The following SAXO1 variants were observed in gnomAD, a reference collection of about 807,000 sequenced individuals.
The protein encoded by SAXO1 is stabilizer of axonemal microtubules 1.
SAXO1 carries 21 observed loss-of-function variants against 17.5 expected under a neutral mutation model. That is an observed-to-expected ratio of 1.20 (90% CI 0.85 to 1.72). SAXO1 has a LOEUF of 1.72. Ranked by LOEUF, SAXO1 falls within the 40% of genes most tolerant of loss-of-function variation. The probability of loss-of-function intolerance (pLI) is 0.00; values close to 1 mark genes in which losing one functional copy is unlikely to be tolerated. For synonymous variants in SAXO1, 274 were observed against 216.5 expected (o/e 1.27, Z -2.33); for missense variants, 843 against 596.0 (o/e 1.41, Z -4.32).
chr9:18,947,047 AC>A (rs1324587300), intron 2 of SAXO1, among the ~76,000 whole-genome samples: 1 of 152,230 alleles, frequency 6.6e-6, no homozygotes, highest in Non-Finnish European at 1.5e-5. Context: ...CAAAATGTCT[AC>A]AAATTTACTC....
intron 1 of SAXO1, among the ~76,000 whole-genome samples, chr9:18,973,640 CCA>C (rs1047119707): frequency 7.9e-5 from 12 of 152,316 alleles, no homozygotes; most frequent in African/African-American, 2.9e-4. Context: ...TGATTCCAGA[CCA>C]GAGTTTCTTT....
chr9:18,951,439 T>C (rs1250866398), intron 1 of SAXO1, among the ~76,000 whole-genome samples: 1 of 152,182 alleles, frequency 6.6e-6, no homozygotes, highest in East Asian at 1.9e-4. Context: ...AATGACATCA[T>C]TCAAAGCAAA....
chr9:19,030,569 G>A (rs1835716564), intron 1 of SAXO1, among the ~76,000 whole-genome samples: 1 of 152,120 alleles, frequency 6.6e-6, no homozygotes, highest in African/African-American at 2.4e-5. Flanking sequence ...AGCCCAGCAT[G>A]GTGGTGGGTA....
chr9:18,963,628 T>C (rs1408515988), intron 1 of SAXO1, among the ~76,000 whole-genome samples: 1 of 152,208 alleles, frequency 6.6e-6, no homozygotes, highest in Non-Finnish European at 1.5e-5. Flanking sequence ...CTTGTGGGTT[T>C]TGCACATTGA....
chr9:19,010,158 CAACAACAAA>C (rs1008593853), intron 1 of SAXO1, among the ~76,000 whole-genome samples: 12 of 39,230 alleles, frequency 3.1e-4, no homozygotes, highest in South Asian at 7.1e-4. Context: ...AAAACAACAA[CAACAACAAA>C]AACACCTTAT....
At position 18,951,038 on chromosome 9, in the gene SAXO1, G is replaced by A. The variant is rs74341844; in HGVS notation, c.39-101C>T. The A allele has an allele frequency of 3.6e-3, 4,282 of 1,191,060 alleles. 120 individuals are homozygous for A. In the African/African-American group the frequency reaches 0.058, roughly 16 times the overall value. The allele number at this position is 1,191,060 out of a possible 1,614,324, so 73.8% of individuals were successfully genotyped here. On this transcript the variant is annotated intron_variant, in intron 1 of 3. Transcript: ENST00000380534. ...AATGTGACTCAGACTGTAAAATCAT[G>A]TGACTGCCAACATTGAAAACCAGAA...
At chr9:18,937,888 AC>A (rs1563929078) in intron 3 of SAXO1, among the ~76,000 whole-genome samples, 1 of 152,208 alleles carries the variant, frequency 6.6e-6, no homozygotes, top group Admixed American at 6.5e-5. Context: ...GCACAAATGA[AC>A]TAAGAAAGTA....
intron 1 of SAXO1, among the ~76,000 whole-genome samples, chr9:19,041,459 T>C (rs1274052361): frequency 6.6e-6 from 1 of 152,140 alleles, no homozygotes; most frequent in Non-Finnish European, 1.5e-5. Context: ...AAAATGTATA[T>C]GGAACCACAA....
chr9:18,966,348 C>T (rs1832715810), intron 1 of SAXO1, among the ~76,000 whole-genome samples: 3 of 152,146 alleles, frequency 2.0e-5, no homozygotes, highest in Non-Finnish European at 4.4e-5. Flanking sequence ...CAACTTGGTT[C>T]CATTCTGCCC....
intron 2 of SAXO1, among the ~76,000 whole-genome samples, chr9:18,943,088 T>A (rs1015022687): frequency 3.9e-5 from 6 of 152,212 alleles, no homozygotes; most frequent in Admixed American, 6.5e-5. Flanking sequence ...CACTGTAACC[T>A]GTCTTGCGTG....
chr9:18,953,602 G>A lies in SAXO1; in HGVS notation c.39-2665C>T, dbSNP rs1383169683. Among the ~76,000 whole-genome samples, 6 of 152,068 alleles carry A rather than the reference G, an allele frequency of 3.9e-5. No individual in the cohort carries two copies. The East Asian group carries it at 1.2e-3, about 29-fold the overall frequency. ...TTCACTGCCTGAGTGTGCTCATGGA[G>A]TCATCTCCTTTCCCTACCTGCACCA... On this transcript the variant is annotated intron_variant, in intron 1 of 3. Coordinates refer to ENST00000380534, the MANE Select transcript of SAXO1 (RefSeq NM_153707.4).
intron 1 of SAXO1, among the ~76,000 whole-genome samples, chr9:18,988,099 C>G (rs1005163683): frequency 6.6e-6 from 1 of 152,144 alleles, no homozygotes; most frequent in Non-Finnish European, 1.5e-5. Context: ...ACAGAGAAAA[C>G]AGCAGGCCCT....
intron 1 of SAXO1, among the ~76,000 whole-genome samples, chr9:18,977,755 G>C (rs1181616495): frequency 1.3e-5 from 2 of 152,072 alleles, no homozygotes; most frequent in Non-Finnish European, 2.9e-5. Context: ...AGCACTTTGA[G>C]ATGCCAAGGC....
Position 18,928,600 on chromosome 9 carries a change from T to C in SAXO1, c.877A>G (p.Thr293Ala), listed in dbSNP as rs767135223. 9 of 1,614,010 alleles carry C rather than the reference T, an allele frequency of 5.6e-6. No individual in the cohort carries two copies. Among genetic ancestry groups the C allele is most frequent in the Non-Finnish European group, 7.6e-6 (9 of 1,180,004 alleles). The change falls in exon 4 of 4, where the codon ACC becomes GCC. Residue 293 changes from threonine (T) to alanine (A), a missense_variant. Transcript: ENST00000380534. ...MPRMFSKAPITYVPPEDRMDL... is the reference protein window; with the variant it reads ...MPRMFSKAPIAYVPPEDRMDL... ...ATCCTGTCTTCGGGAGGGACGTAGGTGATGGGAGCTTTGGAGAACATCCGG... is the reference window on the plus strand; with the variant it reads ...ATCCTGTCTTCGGGAGGGACGTAGGCGATGGGAGCTTTGGAGAACATCCGG...
chr9:18,956,349 T>C (rs375858141), intron 1 of SAXO1, among the ~76,000 whole-genome samples: 1 of 152,310 alleles, frequency 6.6e-6, no homozygotes, highest in African/African-American at 2.4e-5. Context: ...GCTTGAATAG[T>C]AGCTGGTATA....
intron 1 of SAXO1, among the ~76,000 whole-genome samples, chr9:18,965,574 CT>C (rs57731971): frequency 6.6e-6 from 1 of 150,520 alleles, no homozygotes; most frequent in Non-Finnish European, 1.5e-5. Context: ...GCAACCCCTG[CT>C]TTTTTTTTCT....
chr9:18,988,692 T>C (rs1159507355), intron 1 of SAXO1, among the ~76,000 whole-genome samples: 3 of 152,244 alleles, frequency 2.0e-5, no homozygotes, highest in Admixed American at 6.5e-5. Context: ...AGTATAATGC[T>C]ATTATTTTAA....
chr9:19,030,979 G>A (rs1230383739), intron 1 of SAXO1, among the ~76,000 whole-genome samples: 1 of 152,198 alleles, frequency 6.6e-6, no homozygotes. Context: ...ACAGGATGAG[G>A]AGAGAAGAAA....
intron 1 of SAXO1, among the ~76,000 whole-genome samples, chr9:19,031,878 T>G (rs925699268): frequency 3.3e-5 from 5 of 152,294 alleles, no homozygotes; most frequent in East Asian, 1.9e-4. Context: ...GCTGATCCAG[T>G]TTTTAGAGTG....
Sources: gnomAD v4.1 joint callset for allele counts (sites outside exome capture counted in the v4.1 genomes callset) on GRCh38, gnomAD v4.1.1 for gene constraint, MANE v1.5 for transcripts, NCBI Gene and HGNC (gene_info 2026-07-23, HGNC 2026-07-21) for gene names.